ABCD3: variants seen among roughly 807,000 people sequenced by gnomAD.
ABCD3 encodes ATP binding cassette subfamily D member 3.
In ABCD3, 41 loss-of-function variants were observed where a neutral mutation model predicts 105.5. The observed-to-expected ratio is 0.39, with a 90% CI of 0.30 to 0.50. The LOEUF is 0.50. Ranked by LOEUF, ABCD3 falls within the 20% of genes least tolerant of loss-of-function variation. The pLI is 0.84. For synonymous variants in ABCD3, 258 were observed against 269.0 expected, an observed-to-expected ratio of 0.96 and a Z score of 0.40; for missense variants, 622 against 806.3, an observed-to-expected ratio of 0.77 and a Z score of 2.77.
chr1:94,454,043 T>A (rs1212486978), intron 1 of ABCD3, among the ~76,000 whole-genome samples: 1 of 152,010 alleles, frequency 6.6e-6, no homozygotes, highest in East Asian at 1.9e-4. Flanking sequence ...TATATATATA[T>A]GTATGGGCAT....
At chr1:94,478,587 A>G (rs745958175) in intron 8 of ABCD3, 12 of 1,531,014 alleles carry the variant, frequency 7.8e-6, no homozygotes, top group Admixed American at 1.7e-5. Flanking sequence ...GTGGTGGCTC[A>G]TGCCTGTAAT....
chr1:94,432,392 C>T (rs1659717664), intron 1 of ABCD3, among the ~76,000 whole-genome samples: 1 of 152,150 alleles, frequency 6.6e-6, no homozygotes, highest in African/African-American at 2.4e-5. Context: ...GTAGGGAAAA[C>T]AGCTTGCACA....
intron 2 of ABCD3, 70 bp downstream of exon 2, chr1:94,458,713 G>T: frequency 1.4e-6 from 2 of 1,460,148 alleles, no homozygotes; most frequent in South Asian, 2.3e-5. Context: ...ATATGATTCT[G>T]ATTTAGGATT....
chr1:94,411,737 C>T, the ABCD3 span, among the ~76,000 whole-genome samples: 2 of 152,124 alleles, frequency 1.3e-5, no homozygotes, highest in Non-Finnish European at 2.9e-5. Flanking sequence ...AAGGTAGAAA[C>T]AACCCAAATG....
intron 1 of ABCD3, among the ~76,000 whole-genome samples, chr1:94,425,886 ATT>A (rs1208164938): frequency 6.6e-6 from 1 of 152,090 alleles, no homozygotes; most frequent in African/African-American, 2.4e-5. Context: ...TGTAGGTTCA[ATT>A]TTTCCTTTGG....
intron 1 of ABCD3, among the ~76,000 whole-genome samples, chr1:94,454,983 T>G (rs1647474118): frequency 6.6e-6 from 1 of 152,212 alleles, no homozygotes; most frequent in African/African-American, 2.4e-5. Context: ...AATTTTGTTT[T>G]CATTTTGATG....
At chr1:94,438,424 G>C (rs1659999667) in intron 1 of ABCD3, among the ~76,000 whole-genome samples, 1 of 151,958 alleles carries the variant, frequency 6.6e-6, no homozygotes. Flanking sequence ...TCTTGGTGAA[G>C]ATGATGTGAA....
intron 1 of ABCD3, among the ~76,000 whole-genome samples, chr1:94,440,022 C>T (rs146879385): frequency 8.5e-5 from 13 of 152,336 alleles, no homozygotes; most frequent in Non-Finnish European, 1.8e-4. Context: ...GCACACACCA[C>T]TGTGCCTGGC....
chr1:94,482,918 T>C (rs1570802228), intron 9 of ABCD3: 1 of 470,716 alleles, frequency 2.1e-6, no homozygotes, highest in Admixed American at 3.4e-5. Flanking sequence ...GTATGTCTTT[T>C]GCAGCCAGGA....
chr1:94,487,800 A>G lies in ABCD3; in HGVS notation c.1065+9A>G, dbSNP rs762263206. 6 of 1,613,142 alleles carry G rather than the reference A, an allele frequency of 3.7e-6. No individual in the cohort carries two copies. Among genetic ancestry groups the G allele is most frequent in the Non-Finnish European group, 5.1e-6 (6 of 1,179,164 alleles). On this transcript the variant is annotated intron_variant, in intron 12 of 22. Coordinates refer to ENST00000370214, the MANE Select transcript of ABCD3 (RefSeq NM_002858.4). ...ATTCGGAACTTCTAGAGGTAAACTG[A>G]TGATAATACAATGAAAATGTAACAG...
At chr1:94,443,405 G>C (rs1191008277) in intron 1 of ABCD3, among the ~76,000 whole-genome samples, 1 of 152,124 alleles carries the variant, frequency 6.6e-6, no homozygotes, top group Non-Finnish European at 1.5e-5. Context: ...TTGCCATTCT[G>C]TAGGTTGTCT....
In ABCD3 at chr1:94,505,789, G is replaced by C. The variant is rs554143046; in HGVS notation, c.1741-749G>C. Among the ~76,000 whole-genome samples the C allele has an allele frequency of 2.6e-3, 390 of 152,214 alleles. 3 individuals are homozygous for C. The highest frequency in any genetic ancestry group is 9.1e-3 in the African/African-American group (378 of 41,526). On this transcript the variant is annotated intron_variant, in intron 20 of 22. Transcript: ENST00000370214. ...TCACTATCACTTTCTCAAGAAGGAT[G>C]GAGTGGTCTTCTAAAGAGAATGTTG...
chr1:94,429,328 T>G (rs1659586704), intron 1 of ABCD3, among the ~76,000 whole-genome samples: 1 of 152,230 alleles, frequency 6.6e-6, no homozygotes, highest in Admixed American at 6.5e-5. Flanking sequence ...AAAACCCATT[T>G]TCTGAGGGGA....
In ABCD3 at chr1:94,478,282, TATCTTTA is replaced by T; in HGVS notation, c.653_659del (p.Ile218SerfsTer2). 6.2e-7 allele frequency: 1 copy of T among 1,602,072 alleles called. No homozygotes were observed. Among genetic ancestry groups the T allele is most frequent in the Non-Finnish European group, 8.5e-7 (1 of 1,171,026 alleles). ...AGCCATTTTTAGACATAGTTTTGTATATCTTTAAGTTAACGAGTGCAATTGGAGCTCA... is the reference window on the plus strand; with the variant it reads ...AGCCATTTTTAGACATAGTTTTGTATAGTTAACGAGTGCAATTGGAGCTCA... On this transcript the variant is annotated frameshift_variant, in exon 8 of 23. Coordinates refer to ENST00000370214, the MANE Select transcript of ABCD3 (RefSeq NM_002858.4). LOFTEE classifies it high-confidence loss of function.
chr1:94,487,405 C>A, intron 10 of ABCD3, 137 bp from the exon 11 acceptor site: 1 of 822,080 alleles, frequency 1.2e-6, no homozygotes, highest in Admixed American at 2.1e-5. Flanking sequence ...ACAATATAAA[C>A]AGAATATAAA....
At chr1:94,424,940 A>G (rs902641350) in intron 1 of ABCD3, among the ~76,000 whole-genome samples, 2 of 152,230 alleles carry the variant, frequency 1.3e-5, no homozygotes, top group African/African-American at 4.8e-5. Flanking sequence ...TGGAATATAT[A>G]GTAGACACTC....
chr1:94,461,458 CA>C (rs1647864773), intron 2 of ABCD3, among the ~76,000 whole-genome samples: 1 of 138,840 alleles, frequency 7.2e-6, no homozygotes, highest in Non-Finnish European at 1.6e-5. Flanking sequence ...TGTATTTTGG[CA>C]TGTGTGTGTA....
At chr1:94,412,457 C>G in the ABCD3 span, among the ~76,000 whole-genome samples, 1 of 152,132 alleles carries the variant, frequency 6.6e-6, no homozygotes, top group Non-Finnish European at 1.5e-5. Flanking sequence ...AAAATCATAT[C>G]AGTTCATATA....
intron 20 of ABCD3, among the ~76,000 whole-genome samples, chr1:94,501,190 G>A (rs1363769650): frequency 1.3e-5 from 2 of 151,424 alleles, no homozygotes; most frequent in African/African-American, 4.9e-5. Context: ...CAACCCGGGA[G>A]GCATAGGCTG....
Sources: gnomAD v4.1 joint callset for allele counts (sites outside exome capture counted in the v4.1 genomes callset) on GRCh38, gnomAD v4.1.1 for gene constraint, MANE v1.5 for transcripts, NCBI Gene and HGNC (gene_info 2026-07-23, HGNC 2026-07-21) for gene names.